JMY: variants seen among roughly 807,000 people sequenced by gnomAD.
JMY encodes junction-mediating and -regulatory protein.
A neutral mutation model predicts 103.3 loss-of-function variants in JMY; 46 were observed. The ratio of observed to expected loss-of-function variants is 0.45; its 90% CI spans 0.35 to 0.57. The LOEUF is 0.57. Among genes scored for constraint, JMY ranks in the 20% least tolerant of loss-of-function variants. The pLI, the probability that JMY is intolerant of heterozygous loss-of-function variation, is 0.00. For synonymous variants in JMY, 526 were observed against 489.3 expected (o/e 1.07, Z -0.99); for missense variants, 1,238 against 1,255.2 (o/e 0.99, Z 0.21).
chr5:79,279,858 G>GT (rs535421130), intron 2 of JMY, among the ~76,000 whole-genome samples: 10 of 151,866 alleles, frequency 6.6e-5, no homozygotes, highest in Non-Finnish European at 1.3e-4. Flanking sequence ...GTTTTGTTTT[G>GT]TTTTTTTGAG....
At chr5:79,285,968 T>TC (rs200091302) in intron 2 of JMY, among the ~76,000 whole-genome samples, 1 of 147,968 alleles carries the variant, frequency 6.8e-6, no homozygotes, top group Non-Finnish European at 1.5e-5. Context: ...GCGCTTTTTT[T>TC]CCGTGTTAAA....
At chr5:79,291,726 G>C (rs1561307151) in intron 4 of JMY, among the ~76,000 whole-genome samples, 3 of 152,004 alleles carry the variant, frequency 2.0e-5, no homozygotes, top group Non-Finnish European at 4.4e-5. Flanking sequence ...ATTCCTACTG[G>C]AACACACTGG....
At position 79,310,745 on chromosome 5, in the gene JMY, C is replaced by T. The variant is rs184305616; in HGVS notation, c.1969-1658C>T. On this transcript the variant is annotated intron_variant, in intron 7 of 10. Coordinates refer to ENST00000396137, the MANE Select transcript of JMY (RefSeq NM_152405.5). ...ATATGAGGATTACTTATTAATACTA[C>T]TATTTTAAATTGTTATTAGCTCAAA... is the stretch of plus-strand genomic sequence containing the variant. Among the ~76,000 whole-genome samples, 6 of 152,280 alleles carry T rather than the reference C, an allele frequency of 3.9e-5. No homozygotes were observed. The East Asian group carries it at 1.2e-3, about 29-fold the overall frequency.
At chr5:79,243,127 C>T (rs1013951095) in intron 1 of JMY, among the ~76,000 whole-genome samples, 1 of 152,050 alleles carries the variant, frequency 6.6e-6, no homozygotes, top group African/African-American at 2.4e-5. Context: ...ATCTTAATGG[C>T]TAAGCTGGAA....
intron 5 of JMY, 151 bp downstream of exon 5, chr5:79,300,469 G>C: frequency 1.2e-6 from 1 of 810,790 alleles, no homozygotes; most frequent in Non-Finnish European, 1.9e-6. Context: ...CATTTATTGA[G>C]CACTTACTGT....
At chr5:79,289,222 G>T (rs544950811) in intron 2 of JMY, among the ~76,000 whole-genome samples, 11 of 141,292 alleles carry the variant, frequency 7.8e-5, no homozygotes, top group African/African-American at 3.0e-4. Context: ...ACAACAAAGC[G>T]AGACGCCGTC....
chr5:79,269,050 A>T (rs540155451), intron 1 of JMY, among the ~76,000 whole-genome samples: 2 of 151,428 alleles, frequency 1.3e-5, no homozygotes, highest in African/African-American at 4.9e-5. Flanking sequence ...TTTTGGTGTC[A>T]TATCTAAAGT....
chr5:79,306,028 C>T (rs1325019411), intron 6 of JMY, among the ~76,000 whole-genome samples: 1 of 152,124 alleles, frequency 6.6e-6, no homozygotes, highest in Admixed American at 6.5e-5. Flanking sequence ...ACCCCCATCT[C>T]TCAGAAAAAA....
Position 79,248,593 on chromosome 5 carries a change from G to A in JMY, c.1032+10911G>A, listed in dbSNP as rs372186978. Reference sequence around the variant, plus strand: ...CAAAGTGCTGGGATTATAAGCTTGAGCCACCGCGCCGGCCTCCTTCTTATA... The same window carrying A: ...CAAAGTGCTGGGATTATAAGCTTGAACCACCGCGCCGGCCTCCTTCTTATA... On this transcript the variant is annotated intron_variant, in intron 1 of 10. Transcript: ENST00000396137. Among the ~76,000 whole-genome samples, 20 of 151,868 alleles carry A rather than the reference G, an allele frequency of 1.3e-4. 1 individual carries two copies. The highest frequency in any genetic ancestry group is 5.9e-4 in the Admixed American group (9 of 15,256).
chr5:79,311,062 T>C (rs1439348040), intron 7 of JMY, among the ~76,000 whole-genome samples: 1 of 152,176 alleles, frequency 6.6e-6, no homozygotes, highest in Non-Finnish European at 1.5e-5. Flanking sequence ...TGTGTTCATG[T>C]GTGGTGTATC....
rs1157271764 is a variant in JMY, at chr5:79,327,083, T to TTAAG, written c.*5484_*5487dup. Reference sequence around the variant, plus strand: ...GTTTTTTACACTCATGACTTCAGAGTTAAGTACTTGTACACCAAGTATTGC... The same window carrying TTAAG: ...GTTTTTTACACTCATGACTTCAGAGTTAAGTAAGTACTTGTACACCAAGTATTGC... On this transcript the variant is annotated 3_prime_UTR_variant, in exon 11 of 11. Coordinates refer to ENST00000396137, the MANE Select transcript of JMY (RefSeq NM_152405.5). 2.6e-5 allele frequency: 4 copies of TTAAG among 152,218 alleles called. No individual in the cohort carries two copies. The highest frequency in any genetic ancestry group is 9.6e-5 in the African/African-American group (4 of 41,458). The allele number at this position is 152,218 out of a possible 1,614,324, so 9.4% of individuals were successfully genotyped here.
rs957075759 is a variant in JMY, at chr5:79,270,422, T to C, written c.1033-7488T>C. Among the ~76,000 whole-genome samples the C allele has an allele frequency of 1.0e-4, 9 of 88,238 alleles. 1 individual carries two copies. The highest frequency in any genetic ancestry group is 6.7e-3 in the Middle Eastern group (1 of 150). 57.9% of individuals were successfully genotyped at this position (88,238 alleles called of 152,430 possible). A position where few individuals can be genotyped will look rare whatever the true frequency, so the allele number is the denominator to read the frequency against. ...TATTTACATAAATATTTAAAATATATATTTACATAAATATTTAAAATATAT... is the reference window on the plus strand; with the variant it reads ...TATTTACATAAATATTTAAAATATACATTTACATAAATATTTAAAATATAT... On this transcript the variant is annotated intron_variant, in intron 1 of 10. Transcript: ENST00000396137.
At chr5:79,290,303 A>AGGG in intron 3 of JMY, 32 bp downstream of exon 3, 1 of 1,404,774 alleles carries the variant, frequency 7.1e-7, no homozygotes, top group Non-Finnish European at 9.5e-7. Context: ...TCCTTTAGGT[A>AGGG]TTTTTGAAAA....
Position 79,325,505 on chromosome 5 carries a change from TTAA to T in JMY, c.*3904_*3906del. ...GATAACATAAAATTAAGTGTGCATT[TTAA>T]ACAGATTCTATTTCCCACTTACTGC... On this transcript the variant is annotated 3_prime_UTR_variant, in exon 11 of 11. Transcript: ENST00000396137. 1 of 152,304 alleles carries T rather than the reference TTAA, an allele frequency of 6.6e-6. No homozygotes were observed. The highest frequency in any genetic ancestry group is 1.9e-4 in the East Asian group (1 of 5,184). 9.4% of individuals were successfully genotyped at this position (152,304 alleles called of 1,614,324 possible).
chr5:79,290,318 T>G (rs1283972928), intron 3 of JMY, 47 bp downstream of exon 3: 9 of 1,308,500 alleles, frequency 6.9e-6, no homozygotes, highest in Non-Finnish European at 9.2e-6. Context: ...TGAAAATGAG[T>G]GGTTAAGTAT....
At position 79,314,631 on chromosome 5, in the gene JMY, T is replaced by TACC; in HGVS notation, c.2439_2440insACC (p.Pro813_Pro814insThr). 2.0e-6 allele frequency: 2 copies of TACC among 978,614 alleles called. No individual in the cohort carries two copies. Among genetic ancestry groups the TACC allele is most frequent in the Non-Finnish European group, 3.0e-6 (2 of 674,368 alleles). The allele number at this position is 978,614 out of a possible 1,614,324, so 60.6% of individuals were successfully genotyped here. On this transcript the variant is annotated inframe_insertion, in exon 9 of 11. Coordinates refer to ENST00000396137, the MANE Select transcript of JMY (RefSeq NM_152405.5). ...CCCCTCTTCCTCCAACACCACCACCTCCCCCACCTCCTCCCCCTCCCCCAC... is the reference window on the plus strand; with the variant it reads ...CCCCTCTTCCTCCAACACCACCACCTACCCCCCCACCTCCTCCCCCTCCCCCAC...
chr5:79,245,664 C>T (rs1561287660), intron 1 of JMY, among the ~76,000 whole-genome samples: 2 of 152,096 alleles, frequency 1.3e-5, no homozygotes, highest in African/African-American at 4.8e-5. Context: ...CTCACTCTGT[C>T]GCCCAGACTG....
intron 1 of JMY, among the ~76,000 whole-genome samples, chr5:79,265,944 G>A (rs896705972): frequency 6.6e-6 from 1 of 151,882 alleles, no homozygotes; most frequent in Non-Finnish European, 1.5e-5. Context: ...CACCACACTC[G>A]GCTAGTACTG....
intron 6 of JMY, among the ~76,000 whole-genome samples, chr5:79,301,455 A>ATTTTT (rs1223975633): frequency 6.6e-6 from 1 of 152,238 alleles, no homozygotes; most frequent in East Asian, 1.9e-4. Context: ...GTATTATAAA[A>ATTTTT]GTATGTCATG....
Sources: allele counts gnomAD v4.1 joint callset (sites outside exome capture counted in the v4.1 genomes callset), GRCh38; gene constraint gnomAD v4.1.1; transcripts MANE v1.5; gene names NCBI Gene and HGNC (gene_info 2026-07-23, HGNC 2026-07-21).